Variants in RALGAPA1 observed in about 807,000 individuals in gnomAD.
RALGAPA1 encodes Ral GTPase activating protein catalytic subunit alpha 1.
Under a neutral mutation model 269.6 loss-of-function variants are expected in RALGAPA1, and 52 were observed. That is an observed-to-expected ratio of 0.19 (90% CI 0.15 to 0.24). The LOEUF is 0.24. Among genes scored for constraint, RALGAPA1 ranks in the 10% least tolerant of loss-of-function variants. RALGAPA1 has a pLI of 1.00. For missense variants in RALGAPA1, 1,917 were observed against 3,013.9 expected, an observed-to-expected ratio of 0.64 and a Z score of 8.52; for synonymous variants, 817 against 1,008.3, an observed-to-expected ratio of 0.81 and a Z score of 3.60.
At chr14:35,542,771 G>C (rs763367130) in intron 41 of RALGAPA1, among the ~76,000 whole-genome samples, 1 of 152,098 alleles carries the variant, frequency 6.6e-6, no homozygotes, top group African/African-American at 2.4e-5. Flanking sequence ...TGTGCATACC[G>C]TATCTGTTAC....
In RALGAPA1 at chr14:35,742,616, A is replaced by G. The variant is rs762836879; in HGVS notation, c.1252-51T>C. On this transcript the variant is annotated intron_variant, in intron 10 of 41. Transcript: ENST00000680220. ...TAATGATACTTTTTCCTTTGCCACA[A>G]ACCACTAACGCAGTAATGTTTTTCA... 2.4e-6 allele frequency: 3 copies of G among 1,273,022 alleles called. No individual in the cohort carries two copies. In the South Asian group the frequency reaches 3.6e-5, roughly 15 times the overall value. The allele number at this position is 1,273,022 out of a possible 1,614,324, so 78.9% of individuals were successfully genotyped here.
chr14:35,629,025 A>G (rs2061158421), intron 33 of RALGAPA1, among the ~76,000 whole-genome samples: 3 of 152,204 alleles, frequency 2.0e-5, no homozygotes, highest in African/African-American at 7.2e-5. Context: ...AAGGGAACAC[A>G]GAGACAGTAA....
At chr14:35,607,367 T>C (rs998343343) in intron 35 of RALGAPA1, among the ~76,000 whole-genome samples, 1 of 152,220 alleles carries the variant, frequency 6.6e-6, no homozygotes, top group African/African-American at 2.4e-5. Flanking sequence ...GACAGGTTAC[T>C]AGAGGCATTT....
chr14:35,806,134 G>T (rs2077361803), intron 1 of RALGAPA1, among the ~76,000 whole-genome samples: 1 of 152,066 alleles, frequency 6.6e-6, no homozygotes, highest in South Asian at 2.1e-4. Context: ...TTTATTGTGT[G>T]CCAATTATAC....
chr14:35,804,777 T>A (rs938714124), intron 1 of RALGAPA1, among the ~76,000 whole-genome samples: 4 of 147,854 alleles, frequency 2.7e-5, no homozygotes, highest in South Asian at 2.2e-4. Flanking sequence ...CAAAAAAAAA[T>A]TTTTTTTAAT....
intron 37 of RALGAPA1, among the ~76,000 whole-genome samples, chr14:35,581,327 T>A (rs1807873579): frequency 6.6e-6 from 1 of 152,082 alleles, no homozygotes. Context: ...TATAGAGAAA[T>A]CAATGTTTAT....
At chr14:35,578,691 A>G (rs1321802406) in intron 37 of RALGAPA1, among the ~76,000 whole-genome samples, 1 of 152,178 alleles carries the variant, frequency 6.6e-6, no homozygotes, top group African/African-American at 2.4e-5. Context: ...TTTTCCTATC[A>G]TTACCCAGTA....
intron 35 of RALGAPA1, among the ~76,000 whole-genome samples, chr14:35,607,665 T>G (rs538533810): frequency 9.2e-5 from 14 of 152,314 alleles, no homozygotes; most frequent in African/African-American, 3.4e-4. Context: ...TAGTGAGAGA[T>G]AGGTTTTGCC....
At chr14:35,621,046 C>T (rs575864677) in intron 35 of RALGAPA1, among the ~76,000 whole-genome samples, 2 of 152,298 alleles carry the variant, frequency 1.3e-5, no homozygotes, top group African/African-American at 2.4e-5. Flanking sequence ...AAAGAGCCCA[C>T]ATTGTCAAGA....
At chr14:35,671,648 A>G in intron 25 of RALGAPA1, 131 bp from the exon 26 acceptor site, 1 of 463,628 alleles carries the variant, frequency 2.2e-6, no homozygotes, top group South Asian at 5.8e-5. Context: ...GCTAACTGGA[A>G]AGACTAATTT....
At position 35,733,499 on chromosome 14, in the gene RALGAPA1, C is replaced by T. The variant is rs563723085; in HGVS notation, c.1588-4989G>A. On this transcript the variant is annotated intron_variant, in intron 12 of 41. Transcript: ENST00000680220. ...TCTCAAAAACAAACAAATAAGCAAA[C>T]GAACCAAAAAATTCTCCAAACTGAA... Among the ~76,000 whole-genome samples the T allele has an allele frequency of 5.8e-4, 88 of 151,902 alleles. No homozygotes were observed. The Middle Eastern group carries it at 0.017, about 30-fold the overall frequency.
chr14:35,616,505 C>T (rs887285368), intron 35 of RALGAPA1, among the ~76,000 whole-genome samples: 3 of 152,010 alleles, frequency 2.0e-5, no homozygotes, highest in African/African-American at 4.8e-5. Context: ...CTGTGTGATA[C>T]GCTAATGGTA....
Position 35,674,716 on chromosome 14 carries a change from A to G in RALGAPA1, c.4625-7T>C, listed in dbSNP as rs1566973200. ...GATGGAAATTCACTAATTTCTATAGAAAAAAATATATAGTGTCAGCCATTT... is the reference window on the plus strand; with the variant it reads ...GATGGAAATTCACTAATTTCTATAGGAAAAAATATATAGTGTCAGCCATTT... On this transcript the variant is annotated splice_polypyrimidine_tract_variant and splice_region_variant and intron_variant, in intron 22 of 41. Coordinates refer to ENST00000680220, the MANE Select transcript of RALGAPA1 (RefSeq NM_001346249.2). 2.0e-6 allele frequency: 3 copies of G among 1,487,050 alleles called. No homozygotes were observed. The highest frequency in any genetic ancestry group is 3.5e-5 in the Admixed American group (2 of 56,436). The allele number at this position is 1,487,050 out of a possible 1,614,324, so 92.1% of individuals were successfully genotyped here.
chr14:35,727,309 G>GTATATATA (rs2070030704), intron 13 of RALGAPA1, among the ~76,000 whole-genome samples: 1 of 44,920 alleles, frequency 2.2e-5, no homozygotes, highest in African/African-American at 9.1e-5. Context: ...GAAAATTATG[G>GTATATATA]CATATATATA....
intron 1 of RALGAPA1, among the ~76,000 whole-genome samples, chr14:35,798,530 G>T (rs2076738529): frequency 6.6e-6 from 1 of 152,102 alleles, no homozygotes; most frequent in Non-Finnish European, 1.5e-5. Context: ...AATGTTCAAG[G>T]TGACGAATAT....
chr14:35,728,064 C>A (rs1810140852), intron 13 of RALGAPA1, among the ~76,000 whole-genome samples: 1 of 152,146 alleles, frequency 6.6e-6, no homozygotes, highest in African/African-American at 2.4e-5. Flanking sequence ...CACAAGTAAA[C>A]TTCATTTACT....
At position 35,760,867 on chromosome 14, in the gene RALGAPA1, A is replaced by G. The variant is rs2073638860; in HGVS notation, c.509T>C (p.Leu170Ser). The change falls in exon 6 of 42, where the codon TTA becomes TCA. Residue 170 changes from leucine to serine, a missense_variant. Physicochemically the swap from Leu to Ser is moderately radical, Grantham distance 145. Around this residue, in one of 11 missense-constraint regions of RALGAPA1, gnomAD observed 462 missense variants for 725.6 expected, o/e 0.64. Coordinates refer to ENST00000680220, the MANE Select transcript of RALGAPA1 (RefSeq NM_001346249.2). ...APQSEHGPRT[L>S]DNLINPPLNL... Reference sequence around the variant, plus strand: ...GAGTGGAGGATTAATGAGATTATCTAAAGTTCGAGGTCCATGTTCAGACTG... The same window carrying G: ...GAGTGGAGGATTAATGAGATTATCTGAAGTTCGAGGTCCATGTTCAGACTG... 1 of 1,611,878 alleles carries G rather than the reference A, an allele frequency of 6.2e-7. No individual in the cohort carries two copies. The highest frequency in any genetic ancestry group is 8.5e-7 in the Non-Finnish European group (1 of 1,179,198).
At position 35,655,975 on chromosome 14, in the gene RALGAPA1, C is replaced by A; in HGVS notation, c.5388-60G>T. ...ATGAAACCACCACCACAAACATGAC[C>A]CACAATCAACTGACACAGAATGAAC... On this transcript the variant is annotated intron_variant, in intron 28 of 41. Coordinates refer to ENST00000680220, the MANE Select transcript of RALGAPA1 (RefSeq NM_001346249.2). 5 of 1,607,434 alleles carry A rather than the reference C, an allele frequency of 3.1e-6. No individual in the cohort carries two copies. In the South Asian group the frequency reaches 4.5e-5, roughly 14 times the overall value.
chr14:35,797,346 C>T (rs1392048976), intron 1 of RALGAPA1, among the ~76,000 whole-genome samples: 5 of 69,044 alleles, frequency 7.2e-5, no homozygotes, highest in African/African-American at 4.2e-4. Flanking sequence ...AGCGAGACTC[C>T]GTCTCAAAAA....
Sources: gnomAD v4.1 joint callset for allele counts (sites outside exome capture counted in the v4.1 genomes callset) on GRCh38, gnomAD v4.1.1 for gene constraint, gnomAD v4.1.1 regional missense constraint, MANE v1.5 for transcripts, NCBI Gene and HGNC (gene_info 2026-07-23, HGNC 2026-07-21) for gene names.